RHOBTB1: variants seen among roughly 807,000 people sequenced by gnomAD.
RHOBTB1 encodes the protein Rho related BTB domain containing 1, also known as rho-related BTB domain-containing protein 1.
Under a neutral mutation model 71.6 loss-of-function variants are expected in RHOBTB1, and 40 were observed. The observed-to-expected ratio is 0.56, with a 90% CI of 0.43 to 0.73. The LOEUF is 0.73. Ranked by LOEUF, RHOBTB1 falls within the 30% of genes least tolerant of loss-of-function variation. The pLI, the probability that RHOBTB1 is intolerant of heterozygous loss-of-function variation, is 0.00. For synonymous variants in RHOBTB1, 319 were observed against 334.9 expected (o/e 0.95, Z 0.52); for missense variants, 797 against 894.0 (o/e 0.89, Z 1.38).
At chr10:60,887,269 A>G (rs918382389) in intron 6 of RHOBTB1, among the ~76,000 whole-genome samples, 1 of 152,238 alleles carries the variant, frequency 6.6e-6, no homozygotes, top group African/African-American at 2.4e-5. Flanking sequence ...TGAAGTAAAT[A>G]CTACTCATAA....
intron 4 of RHOBTB1, among the ~76,000 whole-genome samples, chr10:60,900,032 A>G (rs957582684): frequency 2.0e-5 from 3 of 152,190 alleles, no homozygotes; most frequent in Non-Finnish European, 1.5e-5. Flanking sequence ...GGCCCGAGGT[A>G]GGAGCCTGCC....
At chr10:60,891,155 G>A (rs1464661638) in intron 5 of RHOBTB1, among the ~76,000 whole-genome samples, 1 of 152,032 alleles carries the variant, frequency 6.6e-6, no homozygotes, top group Non-Finnish European at 1.5e-5. Context: ...TGTGAAAACT[G>A]AATATAAAGT....
Position 60,872,413 on chromosome 10 carries a change from T to C in RHOBTB1, c.1816-123A>G. 4.3e-6 allele frequency: 3 copies of C among 702,684 alleles called. No homozygotes were observed. The South Asian group carries it at 5.4e-5, about 13-fold the overall frequency. The allele number at this position is 702,684 out of a possible 1,614,324, so 43.5% of individuals were successfully genotyped here. On this transcript the variant is annotated intron_variant, in intron 9 of 10. Transcript: ENST00000337910. ...GCTTATATAACTAATTCGGTAAACC[T>C]CTTGTTTTGACCTCAATGTTTTGAC...
chr10:60,913,196 G>A (rs922269131), intron 2 of RHOBTB1, among the ~76,000 whole-genome samples: 1 of 152,226 alleles, frequency 6.6e-6, no homozygotes, highest in Non-Finnish European at 1.5e-5. Flanking sequence ...CAGAAGTGAA[G>A]GGTATGGAAC....
At chr10:60,979,683 A>T (rs553173562) in intron 2 of RHOBTB1, among the ~76,000 whole-genome samples, 1 of 152,348 alleles carries the variant, frequency 6.6e-6, no homozygotes, top group East Asian at 1.9e-4. Flanking sequence ...AGGGAGAAAG[A>T]CTGTAACAAC....
chr10:60,889,304 C>T lies in RHOBTB1; in HGVS notation c.483-119G>A, dbSNP rs1413796849. 19 of 1,050,442 alleles carry T rather than the reference C, an allele frequency of 1.8e-5. No homozygotes were observed. In the South Asian group the frequency reaches 3.4e-4, roughly 19 times the overall value. The allele number at this position is 1,050,442 out of a possible 1,614,324, so 65.1% of individuals were successfully genotyped here. On this transcript the variant is annotated intron_variant, in intron 5 of 10. Transcript: ENST00000337910. ...TGAAAACTCCAGTCAGGCTTTTAGT[C>T]TCTGGAAAAATCTGCCACCACCTCA... is the stretch of plus-strand genomic sequence containing the variant.
chr10:60,889,143 TC>T lies in RHOBTB1; in HGVS notation c.524del (p.Arg175GlnfsTer3). 1 of 1,613,172 alleles carries T rather than the reference TC, an allele frequency of 6.2e-7. No individual in the cohort carries two copies. Among genetic ancestry groups the T allele is most frequent in the Non-Finnish European group, 8.5e-7 (1 of 1,179,510 alleles). On this transcript the variant is annotated frameshift_variant, in exon 6 of 11. Coordinates refer to ENST00000337910, the MANE Select transcript of RHOBTB1 (RefSeq NM_014836.5). LOFTEE classifies it high-confidence loss of function. ...GTAAGCCAAGTTCCTTTGCTACCTC[TC>T]GGCCTTTTTCTGGGGGCAAAATATC... ...RGDILPPEKGREVAKELGLPY... is the reference protein window; with the variant it reads ...RGDILPPEKGXEVAKELGLPY...
At chr10:60,980,559 T>G (rs1230618547) in intron 2 of RHOBTB1, among the ~76,000 whole-genome samples, 1 of 152,080 alleles carries the variant, frequency 6.6e-6, no homozygotes, top group Non-Finnish European at 1.5e-5. Context: ...AAACATGAGC[T>G]AAGCAGAAAG....
At chr10:60,916,644 C>T (rs2083282948) in intron 2 of RHOBTB1, among the ~76,000 whole-genome samples, 1 of 152,168 alleles carries the variant, frequency 6.6e-6, no homozygotes, top group South Asian at 2.1e-4. Flanking sequence ...GTCATGCCAA[C>T]TTTTCTCTTT....
upstream of RHOBTB1, among the ~76,000 whole-genome samples, chr10:60,947,558 A>G (rs1455933067): frequency 6.6e-6 from 1 of 152,070 alleles, no homozygotes; most frequent in African/African-American, 2.4e-5. Flanking sequence ...ATCGGAACAT[A>G]AGTATGTGAT....
At position 60,980,526 on chromosome 10, in the gene RHOBTB1, T is replaced by C. The variant is rs1197709219; in HGVS notation, c.-62+5319A>G. Among the ~76,000 whole-genome samples the C allele has an allele frequency of 2.0e-5, 3 of 152,162 alleles. No individual in the cohort carries two copies. The East Asian group carries it at 5.8e-4, about 29-fold the overall frequency. On this transcript the variant is annotated intron_variant, in intron 2 of 11. Coordinates refer to the RHOBTB1 transcript ENST00000357917. Reference sequence around the variant, plus strand: ...TCTCAGGTACCTTTCAGTCCTTTGCTTATTGAGAGTTTTAAGTTGGGGAAA... The same window carrying C: ...TCTCAGGTACCTTTCAGTCCTTTGCCTATTGAGAGTTTTAAGTTGGGGAAA...
intron 2 of RHOBTB1, among the ~76,000 whole-genome samples, chr10:60,969,191 A>G (rs1025070525): frequency 6.6e-5 from 10 of 152,060 alleles, no homozygotes; most frequent in Admixed American, 1.3e-4. Context: ...GAGGTCTCCT[A>G]TGGAGGTCCA....
chr10:60,947,860 T>C (rs1418380119), upstream of RHOBTB1, among the ~76,000 whole-genome samples: 2 of 152,216 alleles, frequency 1.3e-5, no homozygotes, highest in Non-Finnish European at 2.9e-5. Context: ...AAGAATGCAA[T>C]TGCTAGGTCA....
chr10:60,926,130 G>A (rs1210402559), intron 2 of RHOBTB1, among the ~76,000 whole-genome samples: 2 of 152,028 alleles, frequency 1.3e-5, no homozygotes, highest in East Asian at 3.9e-4. Context: ...TCAGCTACTC[G>A]GGAGGCTGAG....
intron 2 of RHOBTB1, among the ~76,000 whole-genome samples, chr10:60,966,146 A>G (rs1010332004): frequency 1.8e-4 from 27 of 152,246 alleles, no homozygotes; most frequent in African/African-American, 5.1e-4. Flanking sequence ...GAAAAGATTG[A>G]GATGTTTGCA....
intron 2 of RHOBTB1, among the ~76,000 whole-genome samples, chr10:60,929,690 T>C (rs968170194): frequency 7.2e-5 from 11 of 152,148 alleles, no homozygotes; most frequent in Middle Eastern, 3.2e-3. Context: ...AGAAGTAACA[T>C]GAACCTTCAT....
intron 2 of RHOBTB1, among the ~76,000 whole-genome samples, chr10:60,938,159 C>T (rs2084697867): frequency 6.6e-6 from 1 of 152,190 alleles, no homozygotes; most frequent in Non-Finnish European, 1.5e-5. Context: ...TTTATCTCAG[C>T]ACCACTGAAG....
intron 4 of RHOBTB1, among the ~76,000 whole-genome samples, chr10:60,906,628 C>T (rs545772840): frequency 1.3e-4 from 20 of 152,246 alleles, no homozygotes; most frequent in Admixed American, 2.6e-4. Context: ...GCCTATTTTG[C>T]AGGCTCACCA....
At chr10:60,874,501 G>A (rs890652457) in intron 9 of RHOBTB1, among the ~76,000 whole-genome samples, 8 of 152,184 alleles carry the variant, frequency 5.3e-5, no homozygotes, top group Non-Finnish European at 1.2e-4. Flanking sequence ...AGTCTGTATT[G>A]GGATTATGTT....
Sources: allele counts gnomAD v4.1 joint callset (sites outside exome capture counted in the v4.1 genomes callset), GRCh38; gene constraint gnomAD v4.1.1; transcripts MANE v1.5; gene names NCBI Gene and HGNC (gene_info 2026-07-23, HGNC 2026-07-21).